NBAS: variants seen among roughly 807,000 people sequenced by gnomAD.
NBAS encodes NBAS subunit of NRZ tethering complex, also known as NAG/BC035112 fusion.
NBAS carries 219 observed loss-of-function variants against 302.5 expected under a neutral mutation model. The observed-to-expected ratio is 0.72, with a 90% CI of 0.65 to 0.81. NBAS has a LOEUF of 0.81. NBAS is among the 30% of genes least tolerant of loss of function. The probability of loss-of-function intolerance (pLI) is 0.00; values close to 1 mark genes in which losing one functional copy is unlikely to be tolerated. For missense variants in NBAS, 2,932 were observed against 2,841.6 expected (o/e 1.03, Z -0.72); for synonymous variants, 1,118 against 1,021.6 (o/e 1.09, Z -1.80).
the NBAS span, among the ~76,000 whole-genome samples, chr2:14,781,290 G>A: frequency 6.6e-6 from 1 of 152,164 alleles, no homozygotes; most frequent in East Asian, 1.9e-4. Context: ...GTAAAAATGA[G>A]ACTTTCCAGC....
At chr2:14,943,487 G>C in the NBAS span, among the ~76,000 whole-genome samples, 1 of 152,176 alleles carries the variant, frequency 6.6e-6, no homozygotes, top group East Asian at 1.9e-4. Flanking sequence ...TGTCAACCTA[G>C]AAAATTCATA....
chr2:14,854,341 A>T, the NBAS span, among the ~76,000 whole-genome samples: 17 of 151,992 alleles, frequency 1.1e-4, no homozygotes, highest in Admixed American at 6.5e-5. Flanking sequence ...CCAAAAATAA[A>T]TGAATTTGGA....
At chr2:15,335,056 A>G (rs1311152784) in intron 35 of NBAS, among the ~76,000 whole-genome samples, 3 of 152,108 alleles carry the variant, frequency 2.0e-5, no homozygotes, top group African/African-American at 7.2e-5. Flanking sequence ...AAGAGTAGTT[A>G]AAGACTGTTC....
At chr2:15,057,280 T>C in the NBAS span, among the ~76,000 whole-genome samples, 3 of 130,576 alleles carry the variant, frequency 2.3e-5, no homozygotes, top group East Asian at 2.1e-4. Context: ...TGTGGCTTCA[T>C]TGCAAAAATC....
At chr2:15,256,786 A>G (rs1001126527) in intron 44 of NBAS, among the ~76,000 whole-genome samples, 6 of 152,188 alleles carry the variant, frequency 3.9e-5, no homozygotes, top group Admixed American at 2.6e-4. Context: ...ATTTTGTCAA[A>G]TACGTTTTCC....
At chr2:15,443,029 A>C (rs952971105) in intron 21 of NBAS, among the ~76,000 whole-genome samples, 1 of 151,582 alleles carries the variant, frequency 6.6e-6, no homozygotes, top group African/African-American at 2.4e-5. Context: ...CCAACCAAAA[A>C]GAGTCCAGGA....
chr2:14,915,653 C>T, the NBAS span, among the ~76,000 whole-genome samples: 2 of 152,124 alleles, frequency 1.3e-5, no homozygotes, highest in African/African-American at 4.8e-5. Context: ...ACCTCTGTCT[C>T]CCGGGTTCAA....
At chr2:15,319,397 C>G (rs564507786) in intron 38 of NBAS, among the ~76,000 whole-genome samples, 16 of 152,030 alleles carry the variant, frequency 1.1e-4, no homozygotes, top group African/African-American at 3.6e-4. Flanking sequence ...TAACTAAGAT[C>G]AGAGCAGAAC....
chr2:14,783,001 T>C, the NBAS span, among the ~76,000 whole-genome samples: 2 of 151,966 alleles, frequency 1.3e-5, no homozygotes, highest in African/African-American at 2.4e-5. Context: ...AAAATTGCCA[T>C]TGGGTACAAA....
the NBAS span, among the ~76,000 whole-genome samples, chr2:15,034,020 AGAAGAAGAGGAGGAG>A: frequency 1.4e-4 from 6 of 42,476 alleles, no homozygotes; most frequent in African/African-American, 3.3e-4. Context: ...AAGAAGAAGA[AGAAGAAGAGGAGGAG>A]GAAGGAGGAG....
intron 28 of NBAS, among the ~76,000 whole-genome samples, chr2:15,384,061 A>G (rs139734169): frequency 6.6e-6 from 1 of 152,308 alleles, no homozygotes; most frequent in East Asian, 1.9e-4. Context: ...TAAAGCCCCT[A>G]TCAGGTATTT....
chr2:15,533,910 T>C (rs1374930825), intron 9 of NBAS, among the ~76,000 whole-genome samples: 2 of 152,186 alleles, frequency 1.3e-5, no homozygotes, highest in Non-Finnish European at 2.9e-5. Flanking sequence ...GTTATGTTTG[T>C]CTTATTCAAA....
intron 40 of NBAS, among the ~76,000 whole-genome samples, chr2:15,295,154 C>T (rs1490891732): frequency 6.6e-6 from 1 of 152,196 alleles, no homozygotes; most frequent in Non-Finnish European, 1.5e-5. Context: ...GGTAGAACCC[C>T]TGCTGATTTC....
intron 48 of NBAS, among the ~76,000 whole-genome samples, chr2:15,201,532 T>C (rs1010141441): frequency 6.6e-6 from 1 of 152,218 alleles, no homozygotes; most frequent in African/African-American, 2.4e-5. Flanking sequence ...CTTAGACCAG[T>C]GCTTGGCACA....
At chr2:15,043,726 G>A in the NBAS span, among the ~76,000 whole-genome samples, 1 of 152,286 alleles carries the variant, frequency 6.6e-6, no homozygotes, top group East Asian at 1.9e-4. Context: ...GGATTAAAAT[G>A]TTCCCAGCAA....
intron 12 of NBAS, among the ~76,000 whole-genome samples, chr2:15,481,582 C>T (rs978941282): frequency 2.0e-4 from 31 of 152,070 alleles, no homozygotes; most frequent in African/African-American, 7.5e-4. Context: ...GAGCTCAGAA[C>T]ACAATACCCC....
chr2:15,545,933 T>G (rs1664084999), intron 6 of NBAS, among the ~76,000 whole-genome samples: 2 of 152,204 alleles, frequency 1.3e-5, no homozygotes, highest in African/African-American at 4.8e-5. Context: ...GATTTTCCCT[T>G]GCTGGTGGAA....
chr2:14,955,447 C>A, the NBAS span, among the ~76,000 whole-genome samples: 25 of 152,234 alleles, frequency 1.6e-4, no homozygotes, highest in African/African-American at 6.0e-4. Flanking sequence ...CTCCAGCAGG[C>A]AGTGCCCCAG....
At chr2:15,316,942 G>A (rs1346813028) in intron 38 of NBAS, among the ~76,000 whole-genome samples, 2 of 152,188 alleles carry the variant, frequency 1.3e-5, no homozygotes, top group Non-Finnish European at 2.9e-5. Context: ...CCCTGACCCC[G>A]TGTAGCCTAA....
Sources: gnomAD v4.1 joint callset for allele counts (sites outside exome capture counted in the v4.1 genomes callset) on GRCh38, gnomAD v4.1.1 for gene constraint, MANE v1.5 for transcripts, NCBI Gene and HGNC (gene_info 2026-07-23, HGNC 2026-07-21) for gene names.